The following NCAM2 variants were observed in gnomAD, a reference collection of about 807,000 sequenced individuals.
The protein encoded by NCAM2 is neural cell adhesion molecule 2, also known as N-CAM-2.
In NCAM2, 30 loss-of-function variants were observed where a neutral mutation model predicts 98.1. The observed-to-expected ratio is 0.31, with a 90% CI of 0.23 to 0.41. The LOEUF is 0.41. Among genes scored for constraint, NCAM2 ranks in the 10% least tolerant of loss-of-function variants. The probability of loss-of-function intolerance (pLI) is 1.00; values close to 1 mark genes in which losing one functional copy is unlikely to be tolerated. For missense variants in NCAM2, 867 were observed against 1,005.8 expected (o/e 0.86, Z 1.87); for synonymous variants, 368 against 342.4 (o/e 1.07, Z -0.83).
intron 1 of NCAM2, among the ~76,000 whole-genome samples, chr21:21,273,718 G>A (rs977670362): frequency 1.3e-5 from 2 of 152,118 alleles, no homozygotes; most frequent in African/African-American, 4.8e-5. Flanking sequence ...GTATTAATTT[G>A]AGAGGGTTAG....
intron 15 of NCAM2, 140 bp from the exon 16 acceptor site, chr21:21,508,711 G>C: frequency 3.1e-6 from 2 of 637,766 alleles, no homozygotes; most frequent in Non-Finnish European, 4.8e-6. Context: ...CGGTTACTAT[G>C]ACTTTATTCT....
chr21:21,120,383 G>T (rs1569043586), intron 1 of NCAM2, among the ~76,000 whole-genome samples: 1 of 152,118 alleles, frequency 6.6e-6, no homozygotes, highest in Non-Finnish European at 1.5e-5. Flanking sequence ...AATGAAGAAG[G>T]AAATAATGTT....
At chr21:21,497,625 T>C (rs1987334843) in intron 15 of NCAM2, among the ~76,000 whole-genome samples, 1 of 152,178 alleles carries the variant, frequency 6.6e-6, no homozygotes. Flanking sequence ...TATTTATACG[T>C]GTAACAACAT....
intron 10 of NCAM2, among the ~76,000 whole-genome samples, chr21:21,411,295 T>A: frequency 6.7e-6 from 1 of 148,830 alleles, no homozygotes; most frequent in South Asian, 2.1e-4. Context: ...AAATTTGTCT[T>A]CAATGTTGAT....
At chr21:21,400,625 G>T (rs56872675) in intron 9 of NCAM2, among the ~76,000 whole-genome samples, 2,685 of 145,050 alleles carry the variant, frequency 0.019, 87 homozygotes, top group African/African-American at 0.065. Flanking sequence ...AGATGGAGTC[G>T]CCCAGGCTGG....
At chr21:21,477,260 T>C in intron 14 of NCAM2, 31 bp from the exon 15 acceptor site, 1 of 1,538,544 alleles carries the variant, frequency 6.5e-7, no homozygotes, top group African/African-American at 1.4e-5. Context: ...TGTATGGATA[T>C]TTACAAACTG....
Position 21,284,952 on chromosome 21 carries a change from TC to T in NCAM2, c.337+554del, listed in dbSNP as rs2073051371. Among the ~76,000 whole-genome samples, 3 of 151,824 alleles carry T rather than the reference TC, an allele frequency of 2.0e-5. No homozygotes were observed. In the East Asian group the frequency reaches 5.8e-4, roughly 29 times the overall value. ...TCCTGGGATGGATTTCTTCCTATGTTCCTTTCTCCTCCTTATATTTAAGAAC... is the reference window on the plus strand; with the variant it reads ...TCCTGGGATGGATTTCTTCCTATGTTCTTTCTCCTCCTTATATTTAAGAAC... On this transcript the variant is annotated intron_variant, in intron 3 of 17. Transcript: ENST00000400546.
At chr21:21,103,699 C>A (rs982518401) in intron 1 of NCAM2, among the ~76,000 whole-genome samples, 1 of 152,032 alleles carries the variant, frequency 6.6e-6, no homozygotes, top group Non-Finnish European at 1.5e-5. Flanking sequence ...TGGAATATTG[C>A]TTTTAGAAAT....
Position 21,305,943 on chromosome 21 carries a change from T to G in NCAM2, c.619+13702T>G, listed in dbSNP as rs1283476902. On this transcript the variant is annotated intron_variant, in intron 5 of 17. Coordinates refer to ENST00000400546, the MANE Select transcript of NCAM2 (RefSeq NM_004540.5). ...TTCACAAGTTTTGATATATTGCATATACATTGCCATTCATTTTAAAATGTT... is the reference window on the plus strand; with the variant it reads ...TTCACAAGTTTTGATATATTGCATAGACATTGCCATTCATTTTAAAATGTT... 9.2e-5 allele frequency among the ~76,000 whole-genome samples: 14 copies of G among 152,140 alleles called. 1 individual carries two copies. The highest frequency in any genetic ancestry group is 1.5e-5 in the Non-Finnish European group (1 of 68,012).
chr21:21,135,634 C>T (rs2067033161), intron 1 of NCAM2, among the ~76,000 whole-genome samples: 1 of 152,118 alleles, frequency 6.6e-6, no homozygotes, highest in Non-Finnish European at 1.5e-5. Context: ...CCATGACAGT[C>T]CTTGGAATGC....
At chr21:21,359,432 G>T (rs1461081705) in intron 8 of NCAM2, among the ~76,000 whole-genome samples, 1 of 151,832 alleles carries the variant, frequency 6.6e-6, no homozygotes, top group African/African-American at 2.4e-5. Context: ...GTCATATGTT[G>T]AAAATGTCAT....
intron 1 of NCAM2, among the ~76,000 whole-genome samples, chr21:21,142,465 G>A (rs185996056): frequency 5.3e-4 from 70 of 132,878 alleles, no homozygotes; most frequent in Admixed American, 1.6e-3. Flanking sequence ...TGCAAGCTCC[G>A]CCTTCTGGGT....
chr21:21,514,921 C>A (rs1003252665), intron 16 of NCAM2, among the ~76,000 whole-genome samples: 6 of 152,120 alleles, frequency 3.9e-5, no homozygotes, highest in African/African-American at 1.4e-4. Context: ...TGTTTTCTAA[C>A]TGATAGAATA....
In NCAM2 at chr21:21,031,034, C is replaced by G. The variant is rs114988859; in HGVS notation, c.55+32416C>G. 7.7e-3 allele frequency among the ~76,000 whole-genome samples: 1,166 copies of G among 152,058 alleles called. 15 individuals carry two copies. Among genetic ancestry groups the G allele is most frequent in the African/African-American group, 0.026 (1,073 of 41,502 alleles). On this transcript the variant is annotated intron_variant, in intron 1 of 17. Coordinates refer to ENST00000400546, the MANE Select transcript of NCAM2 (RefSeq NM_004540.5). ...TTATTTTCTGCAGAATGAGAAAGCC[C>G]TTACATTAAGAAATACTTGAACTGC...
chr21:21,522,085 T>C (rs932159301), intron 16 of NCAM2, among the ~76,000 whole-genome samples: 2 of 148,066 alleles, frequency 1.4e-5, no homozygotes, highest in Admixed American at 1.4e-4. Context: ...TATATATGAA[T>C]CCATATACAT....
intron 16 of NCAM2, among the ~76,000 whole-genome samples, chr21:21,512,519 T>A (rs1406554068): frequency 6.6e-6 from 1 of 152,104 alleles, no homozygotes; most frequent in Non-Finnish European, 1.5e-5. Context: ...AGTTAGGTAA[T>A]GTCATTCCTT....
At chr21:21,117,205 C>A (rs2066580835) in intron 1 of NCAM2, among the ~76,000 whole-genome samples, 1 of 152,188 alleles carries the variant, frequency 6.6e-6, no homozygotes, top group Admixed American at 6.5e-5. Flanking sequence ...TTTTGATCAA[C>A]ATTTCCCTAC....
At chr21:21,284,041 GTTTAC>G (rs889867204) in intron 2 of NCAM2, among the ~76,000 whole-genome samples, 148 bp from the exon 3 acceptor site, 2 of 151,748 alleles carry the variant, frequency 1.3e-5, no homozygotes, top group African/African-American at 2.4e-5. Context: ...TAACATTTGT[GTTTAC>G]TTTAAGTTTT....
chr21:21,446,744 C>T (rs1980213644), intron 12 of NCAM2, among the ~76,000 whole-genome samples: 1 of 151,926 alleles, frequency 6.6e-6, no homozygotes, highest in Non-Finnish European at 1.5e-5. Flanking sequence ...ACATATATTC[C>T]TTTACACCAA....
Sources: gnomAD v4.1 joint callset for allele counts (sites outside exome capture counted in the v4.1 genomes callset) on GRCh38, gnomAD v4.1.1 for gene constraint, MANE v1.5 for transcripts, NCBI Gene and HGNC (gene_info 2026-07-23, HGNC 2026-07-21) for gene names.